ADARB1: variants seen among roughly 807,000 people sequenced by gnomAD.
ADARB1 encodes the protein adenosine deaminase RNA specific B1, also known as double-stranded RNA-specific editase 1.
A neutral mutation model predicts 52.4 loss-of-function variants in ADARB1; 10 were observed. That is an observed-to-expected ratio of 0.19 (90% CI 0.12 to 0.32). ADARB1 has a LOEUF of 0.32. Among genes scored for constraint, ADARB1 ranks in the 10% least tolerant of loss-of-function variants. The pLI, the probability that ADARB1 is intolerant of heterozygous loss-of-function variation, is 1.00. For synonymous variants in ADARB1, 349 were observed against 371.1 expected (o/e 0.94, Z 0.68); for missense variants, 643 against 922.3 (o/e 0.70, Z 3.92).
At chr21:45,099,746 A>G (rs2086919949) in intron 1 of ADARB1, among the ~76,000 whole-genome samples, 1 of 152,266 alleles carries the variant, frequency 6.6e-6, no homozygotes, top group Admixed American at 6.5e-5. Context: ...AAACATGCAC[A>G]GTAAGCCCGT....
At chr21:45,182,053 A>G (rs1363870425) in intron 5 of ADARB1, among the ~76,000 whole-genome samples, 1 of 152,222 alleles carries the variant, frequency 6.6e-6, no homozygotes, top group African/African-American at 2.4e-5. Context: ...TGTCTGTGGG[A>G]GTTCACCACT....
chr21:45,092,608 A>T (rs2086603491), intron 1 of ADARB1, among the ~76,000 whole-genome samples: 1 of 152,186 alleles, frequency 6.6e-6, no homozygotes. Context: ...TTGGATTTTT[A>T]AAAATGGATA....
At chr21:45,141,518 C>G (rs1486788404) in intron 2 of ADARB1, among the ~76,000 whole-genome samples, 1 of 152,004 alleles carries the variant, frequency 6.6e-6, no homozygotes, top group African/African-American at 2.4e-5. Flanking sequence ...TAAAAAGTTT[C>G]CCAGAGTCTG....
rs781762879 is a variant in ADARB1 at position 45,176,018 on chromosome 21, C to T, written c.317C>T (p.Ala106Val). Residue 106 changes from alanine (A) to valine (V), a missense_variant, in exon 4 of 11, where the codon GCG (alanine) becomes GTG (valine). Physicochemically the swap from Ala to Val is moderately conservative, Grantham distance 64. Transcript: ENST00000348831. The surrounding 1 kb of genome is among the most constrained non-coding windows in gnomAD (Gnocchi z 5.8). Reference protein sequence around the residue: ...TLLSQTGPVHAPLFVMSVEVN... With the variant: ...TLLSQTGPVHVPLFVMSVEVN... ...CTGTCCCAGACTGGGCCCGTGCACG[C>T]GCCTTTGTTTGTCATGTCTGTGGAG... is the stretch of plus-strand genomic sequence containing the variant. The T allele has an allele frequency of 3.9e-5, 63 of 1,614,062 alleles. No homozygotes were observed. Among genetic ancestry groups the T allele is most frequent in the Non-Finnish European group, 5.1e-5 (60 of 1,180,036 alleles).
intron 1 of ADARB1, among the ~76,000 whole-genome samples, chr21:45,092,872 C>T (rs912975179): frequency 5.4e-5 from 8 of 149,256 alleles, no homozygotes; most frequent in African/African-American, 1.9e-4. Flanking sequence ...AGGAGTAATT[C>T]ATTATCACAC....
chr21:45,174,095 A>C (rs1011925305), intron 3 of ADARB1, among the ~76,000 whole-genome samples: 1 of 152,196 alleles, frequency 6.6e-6, no homozygotes, highest in Non-Finnish European at 1.5e-5. Context: ...TATTTTCACA[A>C]CTTTTCAGTT....
rs915387053 is a variant in ADARB1, at chr21:45,081,600, G to A, written c.-220+6807G>A. Reference sequence around the variant, plus strand: ...CAACTTGCGATGGGTTCATAGGATCGGAACTCCACCGTCAGTCAAGGAGCA... The same window carrying A: ...CAACTTGCGATGGGTTCATAGGATCAGAACTCCACCGTCAGTCAAGGAGCA... On this transcript the variant is annotated intron_variant, in intron 1 of 10. Transcript: ENST00000348831. Among the ~76,000 whole-genome samples, 4 of 152,274 alleles carry A rather than the reference G, an allele frequency of 2.6e-5. No individual in the cohort carries two copies. In the South Asian group the frequency reaches 6.2e-4, roughly 24 times the overall value.
intron 6 of ADARB1, 108 bp downstream of exon 6, chr21:45,182,861 C>A: frequency 9.0e-7 from 1 of 1,113,316 alleles, no homozygotes; most frequent in Non-Finnish European, 1.2e-6. Context: ...GAAAATCTCT[C>A]AAAATCATAA....
At chr21:45,098,016 G>GGAAA (rs1379932950) in intron 1 of ADARB1, among the ~76,000 whole-genome samples, 1 of 152,118 alleles carries the variant, frequency 6.6e-6, no homozygotes, top group Non-Finnish European at 1.5e-5. Context: ...CCCAGCTGCT[G>GGAAA]GAAACCTGGC....
chr21:45,174,137 A>C (rs527798818), intron 3 of ADARB1, among the ~76,000 whole-genome samples: 1 of 152,240 alleles, frequency 6.6e-6, no homozygotes, highest in Non-Finnish European at 1.5e-5. Context: ...ACCATTTTAC[A>C]CATGTAGTAG....
At position 45,208,344 on chromosome 21, in the gene ADARB1, C is replaced by T. The variant is rs552737958; in HGVS notation, c.1747+3608C>T. Among the ~76,000 whole-genome samples, 7 of 152,260 alleles carry T rather than the reference C, an allele frequency of 4.6e-5. No homozygotes were observed. Among genetic ancestry groups the T allele is most frequent in the East Asian group, 3.9e-4 (2 of 5,186 alleles). On this transcript the variant is annotated intron_variant, in intron 9 of 10. Transcript: ENST00000348831. The surrounding 1 kb of genome is among the most constrained non-coding windows in gnomAD (Gnocchi z 5.6). The stretch of plus-strand genomic sequence containing the variant: ...CTGGTTTTCATGTTGAATGTTGGCA[C>T]GAAACGTTAACAAACAAGGCTACAT...
rs753588685 is a variant in ADARB1, at chr21:45,176,749, G to A, written c.963+85G>A. The A allele has an allele frequency of 3.2e-5, 44 of 1,385,082 alleles. No homozygotes were observed. The highest frequency in any genetic ancestry group is 4.3e-5 in the Non-Finnish European group (44 of 1,026,232). 85.8% of individuals were successfully genotyped at this position (1,385,082 alleles called of 1,614,324 possible). ...ACAGCATTTTAGTTTCAGGATTACT[G>A]TTGACTTTCCACCTTGACATCACTC... On this transcript the variant is annotated intron_variant, in intron 4 of 10. Transcript: ENST00000348831. The surrounding 1 kb of genome is among the most constrained non-coding windows in gnomAD (Gnocchi z 5.8).
chr21:45,084,996 G>A (rs1169363693), intron 1 of ADARB1, among the ~76,000 whole-genome samples: 1 of 152,164 alleles, frequency 6.6e-6, no homozygotes, highest in Non-Finnish European at 1.5e-5. Flanking sequence ...CAGTGAGCCC[G>A]GGCTTCTGGA....
In ADARB1 at chr21:45,185,014, T is replaced by C. The variant is rs1331186359; in HGVS notation, c.1488T>C (p.Asn496=). 6.2e-7 allele frequency: 1 copy of C among 1,614,170 alleles called. No homozygotes were observed. Among genetic ancestry groups the C allele is most frequent in the Non-Finnish European group, 8.5e-7 (1 of 1,180,022 alleles). ...AGGGGACGATTCCAGTGCGCTCCAA[T>C]GCGAGCATCCAAACGTGGGACGGGG... ...SGEGTIPVRS[N]ASIQTWDGVL... Residue 496 remains asparagine (N), a synonymous_variant, in exon 8 of 11, where the codon AAT becomes AAC. Coordinates refer to ENST00000348831, the MANE Select transcript of ADARB1 (RefSeq NM_001112.4).
chr21:45,083,675 G>A (rs2123640774), intron 1 of ADARB1, among the ~76,000 whole-genome samples: 1 of 152,320 alleles, frequency 6.6e-6, no homozygotes, highest in South Asian at 2.1e-4. Context: ...ATTCAACTGT[G>A]GAGGCTTAAA....
intron 9 of ADARB1, among the ~76,000 whole-genome samples, chr21:45,207,872 T>C (rs2092696035): frequency 6.6e-6 from 1 of 152,178 alleles, no homozygotes; most frequent in African/African-American, 2.4e-5. Context: ...AGTAAAAATG[T>C]AGGGATAGGG....
intron 2 of ADARB1, among the ~76,000 whole-genome samples, chr21:45,137,590 G>A (rs140646509): frequency 8.7e-4 from 132 of 152,342 alleles, no homozygotes; most frequent in African/African-American, 3.0e-3. Context: ...TCAGAGGACG[G>A]TGTGAGGATG....
intron 2 of ADARB1, among the ~76,000 whole-genome samples, chr21:45,167,165 C>A (rs866797318): frequency 2.7e-4 from 41 of 152,210 alleles, no homozygotes; most frequent in Admixed American, 2.0e-4. Flanking sequence ...AGGTACTCAC[C>A]TGCCACCACA....
intron 4 of ADARB1, among the ~76,000 whole-genome samples, chr21:45,178,319 G>T (rs140022439): frequency 1.3e-3 from 197 of 152,368 alleles, no homozygotes; most frequent in African/African-American, 4.5e-3. Context: ...CCAGCCTGGG[G>T]AGGGGTGCAG....
Sources: gnomAD v4.1 joint callset for allele counts (sites outside exome capture counted in the v4.1 genomes callset) on GRCh38, gnomAD v4.1.1 for gene constraint, Gnocchi (gnomAD v3.1) non-coding constraint, MANE v1.5 for transcripts, NCBI Gene and HGNC (gene_info 2026-07-23, HGNC 2026-07-21) for gene names.